The following PRPF40B variants were observed in gnomAD, a reference collection of about 807,000 sequenced individuals.
PRPF40B encodes the protein pre-mRNA-processing factor 40 homolog B.
Under a neutral mutation model 124.5 loss-of-function variants are expected in PRPF40B, and 56 were observed. The ratio of observed to expected loss-of-function variants is 0.45; its 90% confidence interval spans 0.36 to 0.56. PRPF40B has a LOEUF of 0.56. Ranked by LOEUF, PRPF40B falls within the 20% of genes least tolerant of loss-of-function variation. PRPF40B has a pLI of 0.00. For missense variants in PRPF40B, 1,053 were observed against 1,169.5 expected (o/e 0.90, Z 1.45); for synonymous variants, 443 against 426.4 (o/e 1.04, Z -0.48).
Position 49,633,912 on chromosome 12 carries a change from C to G in PRPF40B, c.632C>G (p.Thr211Arg), listed in dbSNP as rs762791408. 5 of 1,614,210 alleles carry G rather than the reference C, an allele frequency of 3.1e-6. No individual in the cohort carries two copies. The South Asian group carries it at 5.5e-5, about 18-fold the overall frequency. The stretch of plus-strand genomic sequence containing the variant: ...AAACAGCAGCAGCAGCTGCCACAGA[C>G]ACTTCAGCCACAGCCACCTCAGCCA... The part of the protein sequence containing the change: ...AGKQQQQLPQ[T>R]LQPQPPQPQP... Residue 211 changes from threonine to arginine, a missense_variant, in exon 10 of 26, where the codon ACA (threonine) becomes AGA (arginine). By Grantham distance (71) the Thr-to-Arg change is moderately conservative (BLOSUM62 -1). Coordinates refer to ENST00000548825, the MANE Select transcript of PRPF40B (RefSeq NM_001031698.3).
At chr12:49,623,489 C>T (rs887195274), upstream of PRPF40B, 18 of 1,196,260 alleles carry the variant, frequency 1.5e-5, no homozygotes, top group African/African-American at 1.9e-4. Context: ...CGAAGGGGTG[C>T]GACCCCCCGC....
rs1409290252 is a variant in PRPF40B, at chr12:49,635,664, G to T, written c.1276-179G>T. Among the ~76,000 whole-genome samples the T allele has an allele frequency of 6.6e-6, 1 of 152,164 alleles. No individual in the cohort carries two copies. The highest frequency in any genetic ancestry group is 2.1e-4 in the South Asian group (1 of 4,824). On this transcript the variant is annotated intron_variant, in intron 14 of 25. Transcript: ENST00000548825. The surrounding 1 kb of genome is among the most constrained non-coding windows in gnomAD (Gnocchi z 4.1). The stretch of plus-strand genomic sequence containing the variant: ...TAGTCCTGGGTGTAGCAGGGAGGAG[G>T]AGTCTCTGAGAGATGGGTCTGTAAC...
At chr12:49,632,688 C>T (rs1197352690) in intron 5 of PRPF40B, 65 bp downstream of exon 5, 73 of 1,601,778 alleles carry the variant, frequency 4.6e-5, no homozygotes, top group Admixed American at 3.4e-5. Flanking sequence ...GAGAGGGGAC[C>T]GTGGACTGGA....
chr12:49,639,389 G>A (rs1028772936), intron 18 of PRPF40B: 1 of 152,314 alleles, frequency 6.6e-6, no homozygotes. Context: ...AGCTGGGTTA[G>A]AGGGATGGAA....
At chr12:49,630,941 C>A (rs1253743156) in intron 2 of PRPF40B, among the ~76,000 whole-genome samples, 1 of 152,178 alleles carries the variant, frequency 6.6e-6, no homozygotes, top group Non-Finnish European at 1.5e-5. Flanking sequence ...CTACTCCTTA[C>A]CTATGCTCTT....
chr12:49,637,062 C>T (rs1941922738), intron 16 of PRPF40B: 15 of 712,980 alleles, frequency 2.1e-5, no homozygotes, highest in Admixed American at 1.2e-4. Flanking sequence ...ATGTATGCAC[C>T]ACCCAGAAAC....
chr12:49,631,269 A>T lies in PRPF40B; in HGVS notation c.85-132A>T, dbSNP rs955578312. ...TCATGCCTTGTGCTTCTCAAACTAA[A>T]GCCTTGGAATTGCCTCAGAGCAGGG... On this transcript the variant is annotated intron_variant, in intron 2 of 25. Transcript: ENST00000548825. This position sits in a 1 kb window ranked among gnomAD's most constrained non-coding sequence, Gnocchi z 4.3. 5.1e-6 allele frequency: 3 copies of T among 591,968 alleles called. No homozygotes were observed. Among genetic ancestry groups the T allele is most frequent in the Admixed American group, 5.8e-5 (2 of 34,360 alleles). The allele number at this position is 591,968 out of a possible 1,614,324, so 36.7% of individuals were successfully genotyped here.
At chr12:49,624,901 G>A (rs1297818947) in intron 1 of PRPF40B, among the ~76,000 whole-genome samples, 2 of 152,154 alleles carry the variant, frequency 1.3e-5, no homozygotes, top group Admixed American at 6.5e-5. Flanking sequence ...AGATCTTTGG[G>A]GAGCAAGAGG....
Position 49,637,813 on chromosome 12 carries a change from G to A in PRPF40B, c.1756G>A (p.Asp586Asn). 1.9e-6 allele frequency: 3 copies of A among 1,608,858 alleles called. No homozygotes were observed. The highest frequency in any genetic ancestry group is 2.2e-5 in the East Asian group (1 of 44,862). Residue 586 changes from aspartate to asparagine, a missense_variant, in exon 18 of 26, where the codon GAC (aspartate) becomes AAC (asparagine). By Grantham distance (23) the Asp-to-Asn change is conservative. This residue lies in a region of PRPF40B where 895 missense variants were observed against 1,052.2 expected (regional missense o/e 0.85). Transcript: ENST00000548825. ...RFHDEKKIIK[D>N]ILKDRGFCVE... is the part of the protein sequence containing the mutation. Reference sequence around the variant, plus strand: ...CCATGATGAAAAGAAGATCATTAAGGACATCCTTAAGGTGAGGGAGGCTGG... The same window carrying A: ...CCATGATGAAAAGAAGATCATTAAGAACATCCTTAAGGTGAGGGAGGCTGG...
At chr12:49,624,680 T>C (rs1194703753) in intron 1 of PRPF40B, among the ~76,000 whole-genome samples, 2 of 152,074 alleles carry the variant, frequency 1.3e-5, no homozygotes, top group Non-Finnish European at 2.9e-5. Context: ...AGAAACCCTG[T>C]CTTTACTAAA....
Position 49,631,872 on chromosome 12 carries a change from G to T in PRPF40B, c.241G>T (p.Val81Leu). ...PPPLTQIPGM[V>L]PPMMPGMLMP... ...TTTGTATCCATAGATACCAGGAATG[G>T]TACCTCCGATGATGCCAGGAATGCT... The change falls in exon 4 of 26, where the codon GTA becomes TTA. Residue 81 changes from valine to leucine, a missense_variant. By Grantham distance (32) the Val-to-Leu change is conservative. This residue lies in a region of PRPF40B where 895 missense variants were observed against 1,052.2 expected (regional missense o/e 0.85). Coordinates refer to ENST00000548825, the MANE Select transcript of PRPF40B (RefSeq NM_001031698.3). The surrounding 1 kb of genome is among the most constrained non-coding windows in gnomAD (Gnocchi z 4.3). 2 of 1,614,134 alleles carry T rather than the reference G, an allele frequency of 1.2e-6. No individual in the cohort carries two copies. Among genetic ancestry groups the T allele is most frequent in the South Asian group, 2.2e-5 (2 of 91,084 alleles).
At position 49,632,996 on chromosome 12, in the gene PRPF40B, G is replaced by GGGGGGGC; in HGVS notation, c.349-18_349-17insGGGGGGC. ...AAAGGGGCCTTGACCACCATTCTGT[G>GGGGGGGC]CCCCCCCCCCCACCCAGAGGGCCCT... On this transcript the variant is annotated splice_polypyrimidine_tract_variant and intron_variant, in intron 6 of 25. Transcript: ENST00000548825. 30 of 1,147,278 alleles carry GGGGGGGC rather than the reference G, an allele frequency of 2.6e-5. No homozygotes were observed. The highest frequency in any genetic ancestry group is 3.3e-5 in the Non-Finnish European group (27 of 822,894). 71.1% of individuals were successfully genotyped at this position (1,147,278 alleles called of 1,614,324 possible). A position where few individuals can be genotyped will look rare whatever the true frequency, so the allele number is the denominator to read the frequency against.
chr12:49,634,165 C>G (rs1193318340), intron 10 of PRPF40B, 73 bp downstream of exon 10: 1 of 1,579,024 alleles, frequency 6.3e-7, no homozygotes, highest in Non-Finnish European at 8.6e-7. Flanking sequence ...TTGTCCTCTG[C>G]TGGGCCTCTC....
intron 18 of PRPF40B, chr12:49,639,736 T>C (rs1458380503): frequency 6.6e-6 from 1 of 151,798 alleles, no homozygotes; most frequent in African/African-American, 2.4e-5. Flanking sequence ...CTAAGTAGAA[T>C]TGATAGATTT....
At chr12:49,641,012 G>A (rs1942563994) in intron 18 of PRPF40B, 1 of 152,298 alleles carries the variant, frequency 6.6e-6, no homozygotes, top group Admixed American at 6.5e-5. Context: ...AAAAAGGCCA[G>A]AGGAGGTGAG....
chr12:49,633,692 G>C, intron 9 of PRPF40B, 31 bp downstream of exon 9: 1 of 1,614,136 alleles, frequency 6.2e-7, no homozygotes, highest in Non-Finnish European at 8.5e-7. Flanking sequence ...TCCATTTATA[G>C]TTGGGGCACC....
At chr12:49,634,824 A>C (rs1941597673) in intron 12 of PRPF40B, 1 of 646,320 alleles carries the variant, frequency 1.5e-6, no homozygotes, top group South Asian at 2.0e-5. Context: ...GAATTGAATC[A>C]AACGGAATTG....
At position 49,643,995 on chromosome 12, in the gene PRPF40B, G is replaced by C; in HGVS notation, c.2577G>C (p.Lys859Asn). ...ACCGTTCCCCAGGCTTTGGAATCAA[G>C]AAGGAGAAGGTGAGGGGCAGGGGCC... ...LPNRSPGFGI[K>N]KEKTGWDTSE... is the part of the protein sequence containing the mutation. The change falls in exon 25 of 26, where the codon AAG (lysine) becomes AAC (asparagine). Residue 859 changes from lysine to asparagine, a missense_variant. Transcript: ENST00000548825. 6.2e-7 allele frequency: 1 copy of C among 1,614,124 alleles called. No homozygotes were observed. Among genetic ancestry groups the C allele is most frequent in the Non-Finnish European group, 8.5e-7 (1 of 1,179,966 alleles).
chr12:49,634,558 A>G lies in PRPF40B; in HGVS notation c.957A>G (p.Ser319=), dbSNP rs1340136198. The G allele has an allele frequency of 1.2e-6, 2 of 1,614,216 alleles. No individual in the cohort carries two copies. The highest frequency in any genetic ancestry group is 1.7e-6 in the Non-Finnish European group (2 of 1,180,024). ...LRDKAVPSNA[S]WEQAMKMVVT... is the part of the protein sequence containing the mutation. ...TCCAGGCTGTCCCCTCCAATGCCTC[A>G]TGGGAACAGGCCATGAAGATGGTGG... The change falls in exon 12 of 26, where the codon TCA becomes TCG. Residue 319 remains serine (S), a synonymous_variant. Transcript: ENST00000548825.
Sources: gnomAD v4.1 joint callset for allele counts (sites outside exome capture counted in the v4.1 genomes callset) on GRCh38, gnomAD v4.1.1 for gene constraint, gnomAD v4.1.1 regional missense constraint, Gnocchi (gnomAD v3.1) non-coding constraint, MANE v1.5 for transcripts, NCBI Gene and HGNC (gene_info 2026-07-23, HGNC 2026-07-21) for gene names.